The following PPP1CC variants were observed in gnomAD, a reference collection of about 807,000 sequenced individuals.
PPP1CC encodes protein phosphatase 1 catalytic subunit gamma.
A neutral mutation model predicts 38.4 loss-of-function variants in PPP1CC; 16 were observed. The ratio of observed to expected loss-of-function variants is 0.42; its 90% CI spans 0.28 to 0.63. PPP1CC has a LOEUF of 0.63. Among genes scored for constraint, PPP1CC ranks in the 30% least tolerant of loss-of-function variants. The pLI, the probability that PPP1CC is intolerant of heterozygous loss-of-function variation, is 0.25. For missense variants in PPP1CC, 170 were observed against 391.3 expected (o/e 0.43, Z 4.77); for synonymous variants, 158 against 136.0 (o/e 1.16, Z -1.13).
At chr12:110,735,198 C>T (rs1444618396) in intron 1 of PPP1CC, among the ~76,000 whole-genome samples, 2 of 150,948 alleles carry the variant, frequency 1.3e-5, no homozygotes, top group African/African-American at 2.4e-5. Context: ...GGATTATAGG[C>T]GTGCGCCACC....
rs1196365362 is a variant in PPP1CC at position 110,734,310 on chromosome 12, TG to T, written c.56-2410del. Among the ~76,000 whole-genome samples the T allele has an allele frequency of 2.6e-5, 4 of 152,190 alleles. No individual in the cohort carries two copies. The East Asian group carries it at 7.7e-4, about 29-fold the overall frequency. On this transcript the variant is annotated intron_variant, in intron 1 of 6. Transcript: ENST00000335007. ...GGATAAGTCTTTAAGTAGTGTTGACTGGTGGCATTAGAATTAAACATATATT... is the reference window on the plus strand; with the variant it reads ...GGATAAGTCTTTAAGTAGTGTTGACTGTGGCATTAGAATTAAACATATATT...
the PPP1CC span, among the ~76,000 whole-genome samples, chr12:110,709,794 G>A: frequency 2.6e-5 from 4 of 151,508 alleles, no homozygotes; most frequent in East Asian, 1.9e-4. Flanking sequence ...TGATCCACCC[G>A]ACTCAGCCTC....
At chr12:110,709,363 G>A in the PPP1CC span, among the ~76,000 whole-genome samples, 3 of 151,828 alleles carry the variant, frequency 2.0e-5, no homozygotes, top group African/African-American at 7.3e-5. Context: ...CGAGTAGCTG[G>A]GATTACAGGC....
downstream of PPP1CC, among the ~76,000 whole-genome samples, chr12:110,719,109 A>C (rs1208682779): frequency 1.3e-5 from 2 of 152,206 alleles, no homozygotes; most frequent in Non-Finnish European, 1.5e-5. Context: ...AAAGATGTGC[A>C]GAATTTGCCT....
Position 110,742,680 on chromosome 12 carries a change from CGATGTT to C in PPP1CC, c.22_27del (p.Asn8_Ile9del). ...TCCAGCAGCCGTTGGATAATGCTGT[CGATGTT>C]GAGTTTATCTAAATCCGCCATCGCC... is the stretch of plus-strand genomic sequence containing the variant. On this transcript the variant is annotated inframe_deletion, in exon 1 of 7. Coordinates refer to ENST00000335007, the MANE Select transcript of PPP1CC (RefSeq NM_002710.4). The C allele has an allele frequency of 8.1e-6, 12 of 1,473,146 alleles. No homozygotes were observed. Among genetic ancestry groups the C allele is most frequent in the Non-Finnish European group, 1.1e-5 (12 of 1,104,822 alleles). The allele number at this position is 1,473,146 out of a possible 1,614,324, so 91.3% of individuals were successfully genotyped here.
intron 4 of PPP1CC, 121 bp downstream of exon 4, chr12:110,724,539 A>G: frequency 1.6e-6 from 1 of 639,378 alleles, no homozygotes; most frequent in Non-Finnish European, 2.9e-6. Context: ...GCAATGCAAC[A>G]CATCAACAAA....
At position 110,723,683 on chromosome 12, in the gene PPP1CC, C is replaced by A. The variant is rs113508067; in HGVS notation, c.523+977G>T. On this transcript the variant is annotated intron_variant, in intron 4 of 6. Transcript: ENST00000335007. ...CACCATTACACCTGGCTAACTTTTACAACTTTTTCTAATGACAGGGGTCTC... is the reference window on the plus strand; with the variant it reads ...CACCATTACACCTGGCTAACTTTTAAAACTTTTTCTAATGACAGGGGTCTC... Among the ~76,000 whole-genome samples the A allele has an allele frequency of 1.5e-3, 225 of 152,212 alleles. 1 individual carries two copies. The highest frequency in any genetic ancestry group is 5.1e-3 in the African/African-American group (211 of 41,538).
chr12:110,716,184 A>G (rs2069685600), downstream of PPP1CC, among the ~76,000 whole-genome samples: 2 of 152,238 alleles, frequency 1.3e-5, no homozygotes, highest in South Asian at 4.1e-4. Flanking sequence ...GTGCCTCAGG[A>G]TGCTTTCTGA....
At chr12:110,742,333 C>T (rs2070026858) in intron 1 of PPP1CC, among the ~76,000 whole-genome samples, 1 of 152,114 alleles carries the variant, frequency 6.6e-6, no homozygotes. Flanking sequence ...AAGACCCGTC[C>T]AGTGCGCGGG....
chr12:110,740,792 T>G (rs1327262117), intron 1 of PPP1CC, among the ~76,000 whole-genome samples: 1 of 152,218 alleles, frequency 6.6e-6, no homozygotes, highest in Admixed American at 6.5e-5. Flanking sequence ...TGTTTATGAA[T>G]AGAGGCAGTT....
intron 3 of PPP1CC, among the ~76,000 whole-genome samples, chr12:110,730,109 A>G (rs2069854800): frequency 6.6e-6 from 1 of 152,260 alleles, no homozygotes; most frequent in Non-Finnish European, 1.5e-5. Flanking sequence ...CAGTAATCCC[A>G]GTACTTTGAG....
intron 3 of PPP1CC, 136 bp downstream of exon 3, chr12:110,730,393 T>C (rs977931679): frequency 1.2e-5 from 9 of 762,662 alleles, no homozygotes; most frequent in African/African-American, 5.3e-5. Flanking sequence ...TAAAAACAAG[T>C]TGATGAAATA....
rs112345344 is a variant in PPP1CC at position 110,736,513 on chromosome 12, G to A, written c.56-4612C>T. Among the ~76,000 whole-genome samples the A allele has an allele frequency of 1.5e-3, 225 of 151,912 alleles. 1 individual carries two copies. The highest frequency in any genetic ancestry group is 5.1e-3 in the African/African-American group (210 of 41,430). ...ACAAAATATAGCTGGACATGGTGGC[G>A]TGCGCCTGTAGTCCCAGCTACTCGG... is the stretch of plus-strand genomic sequence containing the variant. On this transcript the variant is annotated intron_variant, in intron 1 of 6. Transcript: ENST00000335007.
chr12:110,724,187 G>A (rs866373542), intron 4 of PPP1CC, among the ~76,000 whole-genome samples: 3 of 152,046 alleles, frequency 2.0e-5, no homozygotes, highest in African/African-American at 7.2e-5. Context: ...GCAGTGAGCC[G>A]AGATGGTGCC....
intron 1 of PPP1CC, 134 bp downstream of exon 1, chr12:110,742,519 G>A (rs757869628): frequency 4.0e-4 from 283 of 708,894 alleles, no homozygotes; most frequent in Non-Finnish European, 5.6e-4. Context: ...CCGGCCCGTG[G>A]GCCAACTCGA....
At chr12:110,718,297 G>T (rs1373923945), downstream of PPP1CC, among the ~76,000 whole-genome samples, 1 of 152,140 alleles carries the variant, frequency 6.6e-6, no homozygotes, top group East Asian at 1.9e-4. Flanking sequence ...AGCGACTAAG[G>T]ATGCCTAGCA....
chr12:110,716,903 A>G (rs1263164820), downstream of PPP1CC, among the ~76,000 whole-genome samples: 2 of 152,236 alleles, frequency 1.3e-5, no homozygotes, highest in Non-Finnish European at 2.9e-5. Flanking sequence ...TCAGGGATGC[A>G]CTAATGCAAG....
At chr12:110,733,894 TAAATTCCCTAAAATTAGCAGAAAG>T (rs1339377888) in intron 1 of PPP1CC, among the ~76,000 whole-genome samples, 1 of 152,248 alleles carries the variant, frequency 6.6e-6, no homozygotes, top group Admixed American at 6.5e-5. Flanking sequence ...GAAAGCTTCT[TAAATTCCCTAAAATTAGCAGAAAG>T]AAAAAAGTTA....
intron 1 of PPP1CC, chr12:110,733,091 GT>G (rs1442562078): frequency 6.6e-6 from 1 of 152,094 alleles, no homozygotes; most frequent in Non-Finnish European, 1.5e-5. Context: ...CAACAAAAAT[GT>G]TTTTTTCGTA....
Sources: allele counts gnomAD v4.1 joint callset (sites outside exome capture counted in the v4.1 genomes callset), GRCh38; gene constraint gnomAD v4.1.1; transcripts MANE v1.5; gene names NCBI Gene and HGNC (gene_info 2026-07-23, HGNC 2026-07-21).